CIMIP2A: variants seen among roughly 807,000 people sequenced by gnomAD.
CIMIP2A encodes ciliary microtubule inner protein 2A.
At chr9:137,251,437 A>T in the CIMIP2A span, 6 of 1,456,572 alleles carry the variant, frequency 4.1e-6, no homozygotes, top group African/African-American at 1.4e-5. Flanking sequence ...GCCAGCTGGG[A>T]GTGGCCAGGG....
At chr9:137,251,846 C>T in the CIMIP2A span, 3 of 1,607,542 alleles carry the variant, frequency 1.9e-6, no homozygotes, top group South Asian at 1.1e-5. Context: ...TACAGACGGG[C>T]ACCCCCCAGG....
the CIMIP2A span, chr9:137,253,637 C>G: frequency 1.6e-6 from 1 of 630,986 alleles, no homozygotes; most frequent in Non-Finnish European, 2.4e-6. Flanking sequence ...TGTGACTGAC[C>G]CTGAGCTCTA....
the CIMIP2A span, chr9:137,251,616 A>C: frequency 8.1e-7 from 1 of 1,230,840 alleles, no homozygotes. Context: ...GTGTGGGGAC[A>C]GGCTGTGGGG....
chr9:137,245,700 C>T, the CIMIP2A span: 3 of 1,604,258 alleles, frequency 1.9e-6, no homozygotes, highest in South Asian at 1.1e-5. Context: ...GGGGCTTGGA[C>T]TGGCTGAAGT....
chr9:137,244,305 G>A, the CIMIP2A span: 3 of 1,613,198 alleles, frequency 1.9e-6, no homozygotes, highest in Non-Finnish European at 2.5e-6. Context: ...AGACAGGAAG[G>A]TGCTAACAAG....
At chr9:137,252,310 G>T in the CIMIP2A span, 1 of 1,319,726 alleles carries the variant, frequency 7.6e-7, no homozygotes, top group Non-Finnish European at 1.1e-6. Context: ...CTAGGGCTGG[G>T]GCATGGGTGG....
chr9:137,244,256 G>T, the CIMIP2A span: 4 of 1,613,700 alleles, frequency 2.5e-6, no homozygotes, highest in African/African-American at 4.0e-5. Flanking sequence ...GCAGCTTCTC[G>T]CCCAGGTCAC....
At chr9:137,253,244 AGAGCCAGCT>A in the CIMIP2A span, 1 of 1,605,668 alleles carries the variant, frequency 6.2e-7, no homozygotes, top group Non-Finnish European at 8.5e-7. Flanking sequence ...TGCACGCTCT[AGAGCCAGCT>A]GGGCACAACC....
the CIMIP2A span, chr9:137,244,211 G>A: frequency 1.1e-5 from 18 of 1,613,950 alleles, no homozygotes; most frequent in Non-Finnish European, 1.4e-5. Context: ...GGCCTTGGCT[G>A]CTGTAGATGT....
At chr9:137,254,944 G>T in the CIMIP2A span, among the ~76,000 whole-genome samples, 1 of 152,236 alleles carries the variant, frequency 6.6e-6, no homozygotes, top group Admixed American at 6.5e-5. Flanking sequence ...GCTCAGGAGG[G>T]AGTCTGCGCC....
the CIMIP2A span, chr9:137,244,449 T>C: frequency 1.3e-6 from 2 of 1,508,332 alleles, no homozygotes; most frequent in South Asian, 1.3e-5. Context: ...AAAACTTGAG[T>C]GCAGGGATCC....
At chr9:137,244,338 G>T in the CIMIP2A span, 3 of 1,597,760 alleles carry the variant, frequency 1.9e-6, no homozygotes, top group African/African-American at 1.3e-5. Context: ...CAGGCAAACA[G>T]ATAGTCAAGT....
the CIMIP2A span, chr9:137,251,860 C>A: frequency 6.2e-7 from 1 of 1,608,556 alleles, no homozygotes; most frequent in Non-Finnish European, 8.5e-7. Context: ...CCCCAGGAGT[C>A]CCTGCCCACC....
chr9:137,244,258 C>T, the CIMIP2A span: 12 of 1,613,718 alleles, frequency 7.4e-6, no homozygotes, highest in African/African-American at 2.7e-5. Context: ...AGCTTCTCGC[C>T]CAGGTCACAG....
chr9:137,243,784 C>T, the CIMIP2A span: 1 of 1,613,998 alleles, frequency 6.2e-7, no homozygotes, highest in Non-Finnish European at 8.5e-7. Flanking sequence ...AGTTGTCCTG[C>T]ATGGCTGCGG....
At chr9:137,246,626 T>C in the CIMIP2A span, among the ~76,000 whole-genome samples, 1 of 151,970 alleles carries the variant, frequency 6.6e-6, no homozygotes, top group East Asian at 1.9e-4. Flanking sequence ...ATCCAGGCAT[T>C]GGTGGCGGGC....
the CIMIP2A span, chr9:137,244,287 A>G: frequency 6.2e-7 from 1 of 1,613,564 alleles, no homozygotes. Flanking sequence ...TCTAAACAGG[A>G]ACTGGGGAGA....
At chr9:137,253,584 T>A in the CIMIP2A span, 2 of 1,146,004 alleles carry the variant, frequency 1.7e-6, no homozygotes, top group Non-Finnish European at 2.3e-6. Flanking sequence ...GGGTCTCCAT[T>A]CAGCTGCCCC....
At chr9:137,252,015 C>T in the CIMIP2A span, 12 of 1,612,052 alleles carry the variant, frequency 7.4e-6, no homozygotes, top group East Asian at 2.2e-5. Flanking sequence ...GGAGCAACGC[C>T]CCCTGATCAC....
Sources: allele counts gnomAD v4.1 joint callset (sites outside exome capture counted in the v4.1 genomes callset), GRCh38; gene constraint gnomAD v4.1.1; transcripts MANE v1.5; gene names NCBI Gene and HGNC (gene_info 2026-07-23, HGNC 2026-07-21).